The following ADA variants were observed in gnomAD, a reference collection of about 807,000 sequenced individuals.
ADA encodes adenosine deaminase.
Under a neutral mutation model 49.0 loss-of-function variants are expected in ADA, and 45 were observed. That is an observed-to-expected ratio of 0.92 (90% confidence interval 0.72 to 1.18). The LOEUF is 1.18. ADA is among the 50% of genes most tolerant of loss of function. The probability of loss-of-function intolerance (pLI) is 0.00; values close to 1 mark genes in which losing one functional copy is unlikely to be tolerated. For synonymous variants in ADA, 173 were observed against 184.2 expected (o/e 0.94, Z 0.49); for missense variants, 445 against 472.5 (o/e 0.94, Z 0.54).
chr20:44,647,442 A>G (rs2145359898), intron 1 of ADA, among the ~76,000 whole-genome samples: 1 of 151,916 alleles, frequency 6.6e-6, no homozygotes, highest in Admixed American at 6.5e-5. Flanking sequence ...GTCTAAAAAA[A>G]GAAAAAAAGA....
chr20:44,635,040 T>C (rs559541928), intron 2 of ADA, among the ~76,000 whole-genome samples: 4 of 152,308 alleles, frequency 2.6e-5, no homozygotes, highest in Non-Finnish European at 4.4e-5. Context: ...GAGGGCCTGT[T>C]CTTAGCCTCA....
intron 6 of ADA, 117 bp from the exon 7 acceptor site, chr20:44,623,195 G>A: frequency 6.9e-7 from 1 of 1,455,678 alleles, no homozygotes; most frequent in African/African-American, 1.4e-5. Flanking sequence ...TCAACAGCAT[G>A]GGGAAACCTG....
At chr20:44,630,628 G>C (rs1170945798) in intron 2 of ADA, among the ~76,000 whole-genome samples, 1 of 152,136 alleles carries the variant, frequency 6.6e-6, no homozygotes, top group Non-Finnish European at 1.5e-5. Flanking sequence ...CCACAAAGTA[G>C]AACAAAAAGA....
intron 2 of ADA, among the ~76,000 whole-genome samples, chr20:44,634,052 T>C (rs1419806779): frequency 6.6e-6 from 1 of 152,240 alleles, no homozygotes; most frequent in Non-Finnish European, 1.5e-5. Flanking sequence ...CCAGAGGTGG[T>C]GTGAGGAATG....
rs73302327 is a variant in ADA, at chr20:44,650,274, C to A, written c.33+1301G>T. ...CTGAGCATTTTCCCTGGGCTGGGGG[C>A]ATCAGTAGTGGGGGCCAGGCCTCAC... is the stretch of plus-strand genomic sequence containing the variant. On this transcript the variant is annotated intron_variant, in intron 1 of 11. Coordinates refer to ENST00000372874, the MANE Select transcript of ADA (RefSeq NM_000022.4). 4.5e-3 allele frequency among the ~76,000 whole-genome samples: 680 copies of A among 152,252 alleles called. 6 individuals carry two copies. The highest frequency in any genetic ancestry group is 0.015 in the African/African-American group (643 of 41,544).
At chr20:44,620,522 A>G (rs2065319529) in intron 10 of ADA, 121 bp from the exon 11 acceptor site, 3 of 846,288 alleles carry the variant, frequency 3.5e-6, no homozygotes, top group Non-Finnish European at 6.0e-6. Context: ...AGGGGGAAGG[A>G]TTTGTCCACT....
At position 44,649,589 on chromosome 20, in the gene ADA, T is replaced by C. The variant is rs1488688491; in HGVS notation, c.33+1986A>G. On this transcript the variant is annotated intron_variant, in intron 1 of 11. Coordinates refer to ENST00000372874, the MANE Select transcript of ADA (RefSeq NM_000022.4). ...GGGAGGACTGAGCAAGGCCAAAAAA[T>C]GGGGATAATAATATGAGCCCCTCCC... Among the ~76,000 whole-genome samples, 3 of 150,882 alleles carry C rather than the reference T, an allele frequency of 2.0e-5. No homozygotes were observed. In the East Asian group the frequency reaches 5.8e-4, roughly 29 times the overall value.
chr20:44,647,857 T>C (rs1473632381), intron 1 of ADA, among the ~76,000 whole-genome samples: 1 of 151,544 alleles, frequency 6.6e-6, no homozygotes, highest in African/African-American at 2.4e-5. Flanking sequence ...GTGGAGGTTG[T>C]AGTGAGCCAG....
chr20:44,622,617 C>A lies in ADA; in HGVS notation c.816G>T (p.Trp272Cys). The A allele has an allele frequency of 6.2e-7, 1 of 1,614,258 alleles. No individual in the cohort carries two copies. The highest frequency in any genetic ancestry group is 1.3e-5 in the African/African-American group (1 of 75,070). ...TGACTGCATGCTCCGTGTCCGGCTTCCAGGCACCAGTGAGGTAGCTGGACC... is the reference window on the plus strand; with the variant it reads ...TGACTGCATGCTCCGTGTCCGGCTTACAGGCACCAGTGAGGTAGCTGGACC... The part of the protein sequence containing the change: ...CPWSSYLTGA[W>C]KPDTEHAVIR... Residue 272 changes from tryptophan to cysteine, a missense_variant, in exon 9 of 12, where the codon TGG becomes TGT. Physicochemically the swap from Trp to Cys is radical, Grantham distance 215. Coordinates refer to ENST00000372874, the MANE Select transcript of ADA (RefSeq NM_000022.4).
intron 1 of ADA, among the ~76,000 whole-genome samples, chr20:44,647,479 T>A (rs2007515): frequency 6.6e-6 from 1 of 151,876 alleles, no homozygotes; most frequent in South Asian, 2.1e-4. Flanking sequence ...AGCCTGTACC[T>A]GTTCACTTGC....
intron 3 of ADA, among the ~76,000 whole-genome samples, chr20:44,628,210 C>G (rs1013953268): frequency 6.6e-6 from 1 of 152,158 alleles, no homozygotes; most frequent in Non-Finnish European, 1.5e-5. Context: ...AAGGGGTCAC[C>G]AGAAGTTCTT....
At chr20:44,631,519 G>C (rs1009881404) in intron 2 of ADA, among the ~76,000 whole-genome samples, 8 of 152,130 alleles carry the variant, frequency 5.3e-5, no homozygotes, top group African/African-American at 1.9e-4. Flanking sequence ...GGAACTGCTG[G>C]GTAGAAGGCA....
chr20:44,649,236 T>A (rs1307251005), intron 1 of ADA, among the ~76,000 whole-genome samples: 2 of 152,060 alleles, frequency 1.3e-5, no homozygotes, highest in Non-Finnish European at 2.9e-5. Context: ...CAACACTCCA[T>A]TAGCTGCAGC....
chr20:44,628,263 G>A (rs1251338475), intron 3 of ADA, among the ~76,000 whole-genome samples: 1 of 152,186 alleles, frequency 6.6e-6, no homozygotes, highest in Non-Finnish European at 1.5e-5. Flanking sequence ...AGTGGCTCAC[G>A]CCTGTAATCC....
intron 4 of ADA, 103 bp downstream of exon 4, chr20:44,626,353 G>A: frequency 6.5e-7 from 1 of 1,533,774 alleles, no homozygotes; most frequent in Non-Finnish European, 8.9e-7. Flanking sequence ...CAAGAACAAG[G>A]TCTTGCTTGG....
intron 1 of ADA, among the ~76,000 whole-genome samples, chr20:44,641,347 T>C (rs2065532028): frequency 6.6e-6 from 1 of 151,594 alleles, no homozygotes; most frequent in Non-Finnish European, 1.5e-5. Context: ...GAGGCCTGAG[T>C]GAGGGTAGAA....
intron 4 of ADA, chr20:44,626,180 C>T: frequency 1.8e-6 from 1 of 546,190 alleles, no homozygotes; most frequent in Non-Finnish European, 3.3e-6. Flanking sequence ...TCCTGGGTGG[C>T]TAAGCAGGTT....
intron 1 of ADA, among the ~76,000 whole-genome samples, chr20:44,643,401 C>G (rs1402724636): frequency 6.6e-6 from 1 of 152,188 alleles, no homozygotes; most frequent in African/African-American, 2.4e-5. Context: ...GTGGGCCTAG[C>G]CTCAGACATC....
chr20:44,646,380 C>T (rs2065591856), intron 1 of ADA, among the ~76,000 whole-genome samples: 1 of 152,152 alleles, frequency 6.6e-6, no homozygotes, highest in Non-Finnish European at 1.5e-5. Flanking sequence ...TTTGTTTTAA[C>T]AGGTGGCTCT....
Sources: gnomAD v4.1 joint callset for allele counts (sites outside exome capture counted in the v4.1 genomes callset) on GRCh38, gnomAD v4.1.1 for gene constraint, MANE v1.5 for transcripts, NCBI Gene and HGNC (gene_info 2026-07-23, HGNC 2026-07-21) for gene names.